RBFOX1: variants seen among roughly 807,000 people sequenced by gnomAD.
RBFOX1 encodes the protein RNA binding protein fox-1 homolog 1.
In RBFOX1, 8 loss-of-function variants were observed where a neutral mutation model predicts 57.7. The ratio of observed to expected loss-of-function variants is 0.14; its 90% CI spans 0.08 to 0.25. The LOEUF is 0.25. Ranked by LOEUF, RBFOX1 falls within the 10% of genes least tolerant of loss-of-function variation. RBFOX1 has a pLI of 1.00. For synonymous variants in RBFOX1, 326 were observed against 222.4 expected (o/e 1.47, Z -4.15); for missense variants, 611 against 548.5 (o/e 1.11, Z -1.14).
chr16:6,567,762 C>T (rs115502419), intron 2 of RBFOX1, among the ~76,000 whole-genome samples: 4 of 152,230 alleles, frequency 2.6e-5, no homozygotes, highest in African/African-American at 7.2e-5. Flanking sequence ...TTGGTCCATA[C>T]AAAGCAACAA....
intron 4 of RBFOX1, among the ~76,000 whole-genome samples, chr16:7,096,719 G>A (rs964593284): frequency 6.6e-6 from 1 of 151,998 alleles, no homozygotes; most frequent in Non-Finnish European, 1.5e-5. Context: ...ATCACCTGAG[G>A]TCAGGTGTTT....
chr16:6,662,484 C>T (rs2098707748), intron 3 of RBFOX1, among the ~76,000 whole-genome samples: 1 of 151,872 alleles, frequency 6.6e-6, no homozygotes, highest in Non-Finnish European at 1.5e-5. Flanking sequence ...TCCTGCAGGC[C>T]GGTATTGTAC....
chr16:5,937,060 G>C (rs1284409247), intron 4 of RBFOX1, among the ~76,000 whole-genome samples: 1 of 151,744 alleles, frequency 6.6e-6, no homozygotes, highest in Non-Finnish European at 1.5e-5. Flanking sequence ...AATCTGGTTT[G>C]TCTGCATCAT....
At chr16:7,364,759 T>C (rs1195661962) in intron 4 of RBFOX1, among the ~76,000 whole-genome samples, 3 of 152,180 alleles carry the variant, frequency 2.0e-5, no homozygotes, top group Non-Finnish European at 2.9e-5. Flanking sequence ...GCTAGTTGTG[T>C]TCTCTCTCTA....
intron 3 of RBFOX1, among the ~76,000 whole-genome samples, chr16:6,666,963 T>C (rs2098736964): frequency 6.6e-6 from 1 of 152,214 alleles, no homozygotes; most frequent in Non-Finnish European, 1.5e-5. Flanking sequence ...GTTATTTTTG[T>C]AGGCAAGGGC....
chr16:5,356,924 C>G (rs2065404890), intron 1 of RBFOX1, among the ~76,000 whole-genome samples: 1 of 152,190 alleles, frequency 6.6e-6, no homozygotes, highest in African/African-American at 2.4e-5. Flanking sequence ...TGGCATTAGG[C>G]TAATTGCTTA....
intron 1 of RBFOX1, among the ~76,000 whole-genome samples, chr16:6,184,371 A>G (rs1210015405): frequency 6.6e-6 from 1 of 152,162 alleles, no homozygotes; most frequent in Non-Finnish European, 1.5e-5. Context: ...GAACCAGGGA[A>G]TCCAGAAGGA....
chr16:6,514,484 T>C (rs1216849858), intron 2 of RBFOX1, among the ~76,000 whole-genome samples: 1 of 152,220 alleles, frequency 6.6e-6, no homozygotes, highest in East Asian at 1.9e-4. Context: ...TTATTTTTCA[T>C]TTAAAAGCAG....
chr16:6,663,951 GC>G (rs906879714), intron 3 of RBFOX1, among the ~76,000 whole-genome samples: 3 of 152,296 alleles, frequency 2.0e-5, no homozygotes, highest in African/African-American at 7.2e-5. Flanking sequence ...CTCAAAGCAG[GC>G]AAAGGCTAAT....
intron 3 of RBFOX1, among the ~76,000 whole-genome samples, chr16:5,821,721 G>C (rs9934167): frequency 6.6e-6 from 1 of 151,966 alleles, no homozygotes; most frequent in African/African-American, 2.4e-5. Flanking sequence ...TAATTTTCTC[G>C]TAGTTCTGGA....
intron 2 of RBFOX1, among the ~76,000 whole-genome samples, chr16:5,514,434 T>G (rs2043715398): frequency 6.6e-6 from 1 of 152,120 alleles, no homozygotes; most frequent in South Asian, 2.1e-4. Context: ...TCTGCTGCCT[T>G]CTCCTGGACA....
chr16:7,122,802 AG>A (rs1218737716), intron 4 of RBFOX1, among the ~76,000 whole-genome samples: 1 of 152,196 alleles, frequency 6.6e-6, no homozygotes, highest in African/African-American at 2.4e-5. Flanking sequence ...CCTAGAAACA[AG>A]CCATATGTCT....
chr16:7,461,449 A>G (rs775418693), intron 4 of RBFOX1, among the ~76,000 whole-genome samples: 7 of 152,194 alleles, frequency 4.6e-5, no homozygotes, highest in Non-Finnish European at 1.0e-4. Flanking sequence ...TACAGGCATG[A>G]GTCACTGTGC....
chr16:5,363,939 C>T (rs1021466688), intron 1 of RBFOX1, among the ~76,000 whole-genome samples: 3 of 152,322 alleles, frequency 2.0e-5, no homozygotes, highest in Admixed American at 6.5e-5. Flanking sequence ...ACAACTCCAG[C>T]TGGTCTCTGC....
chr16:5,586,660 CTAAT>C (rs1402706048), intron 2 of RBFOX1, among the ~76,000 whole-genome samples: 3 of 152,150 alleles, frequency 2.0e-5, no homozygotes, highest in African/African-American at 7.2e-5. Flanking sequence ...CCACACTCAT[CTAAT>C]TAATTTTTTC....
At chr16:5,278,332 C>A (rs1246959940) in intron 1 of RBFOX1, among the ~76,000 whole-genome samples, 3 of 152,070 alleles carry the variant, frequency 2.0e-5, no homozygotes, top group Non-Finnish European at 1.5e-5. Flanking sequence ...TTGATAGTTT[C>A]TTTTGCTGTG....
intron 4 of RBFOX1, among the ~76,000 whole-genome samples, chr16:7,250,036 ACGTATTTGGTAACTCTAAGAATCCCTC>A (rs2094450219): frequency 6.6e-6 from 1 of 152,168 alleles, no homozygotes; most frequent in Non-Finnish European, 1.5e-5. Context: ...TTTGTTTTGC[ACGTATTTGGTAACTCTAAGAATCCCTC>A]CCCCTTTTTT....
intron 3 of RBFOX1, among the ~76,000 whole-genome samples, chr16:6,820,581 C>T (rs1259517308): frequency 1.3e-5 from 2 of 152,024 alleles, no homozygotes; most frequent in Non-Finnish European, 2.9e-5. Flanking sequence ...ATTTTTTGAG[C>T]CCGGGAGTTA....
intron 2 of RBFOX1, among the ~76,000 whole-genome samples, chr16:6,388,710 A>G (rs1034262194): frequency 3.3e-5 from 5 of 152,146 alleles, no homozygotes; most frequent in African/African-American, 4.8e-5. Flanking sequence ...ACTGCCTTCT[A>G]GCTTGGATGA....
Sources: gnomAD v4.1 joint callset for allele counts (sites outside exome capture counted in the v4.1 genomes callset) on GRCh38, gnomAD v4.1.1 for gene constraint, MANE v1.5 for transcripts, NCBI Gene and HGNC (gene_info 2026-07-23, HGNC 2026-07-21) for gene names.